The following SDK1 variants were observed in gnomAD, a reference collection of about 807,000 sequenced individuals.
SDK1 encodes the protein sidekick cell adhesion molecule 1.
SDK1 carries 157 observed loss-of-function variants against 245.5 expected under a neutral mutation model. That is an observed-to-expected ratio of 0.64 (90% confidence interval 0.56 to 0.73). The LOEUF is 0.73. Ranked by LOEUF, SDK1 falls within the 30% of genes least tolerant of loss-of-function variation. The pLI, the probability that SDK1 is intolerant of heterozygous loss-of-function variation, is 0.00. For missense variants in SDK1, 3,583 were observed against 3,002.3 expected (o/e 1.19, Z -4.52); for synonymous variants, 1,647 against 1,278.5 (o/e 1.29, Z -6.15).
chr7:3,856,481 TAAAAAAAAAA>T (rs34024559), intron 5 of SDK1, among the ~76,000 whole-genome samples: 2 of 119,240 alleles, frequency 1.7e-5, no homozygotes, highest in African/African-American at 6.4e-5. Context: ...CAGGTAATGT[TAAAAAAAAAA>T]AAAAAAAAAA....
intron 1 of SDK1, among the ~76,000 whole-genome samples, chr7:3,595,743 G>T (rs546627425): frequency 3.9e-4 from 57 of 144,650 alleles, no homozygotes; most frequent in Non-Finnish European, 7.7e-4. Context: ...TTAGAGAATG[G>T]CATGAACCCG....
chr7:3,862,265 G>T (rs1183639909), intron 5 of SDK1, among the ~76,000 whole-genome samples: 2 of 152,256 alleles, frequency 1.3e-5, no homozygotes, highest in African/African-American at 4.8e-5. Flanking sequence ...AGAATGTCTG[G>T]GGGAGGAAGC....
chr7:3,427,879 T>C (rs1054693208), intron 1 of SDK1, among the ~76,000 whole-genome samples: 4 of 110,182 alleles, frequency 3.6e-5, no homozygotes, highest in African/African-American at 2.3e-4. Flanking sequence ...GTCTCTTAGA[T>C]GTCGTTAGTG....
At chr7:3,448,899 T>A (rs985242220) in intron 1 of SDK1, among the ~76,000 whole-genome samples, 4 of 152,326 alleles carry the variant, frequency 2.6e-5, no homozygotes, top group African/African-American at 9.6e-5. Context: ...TTATTGTTTC[T>A]GGCTAAAATT....
chr7:3,761,016 A>G (rs1780081137), intron 4 of SDK1, among the ~76,000 whole-genome samples: 1 of 152,156 alleles, frequency 6.6e-6, no homozygotes, highest in South Asian at 2.1e-4. Flanking sequence ...GCCTACATGT[A>G]ATTTTTTGGG....
At chr7:3,780,778 G>A (rs1780706769) in intron 4 of SDK1, among the ~76,000 whole-genome samples, 1 of 151,812 alleles carries the variant, frequency 6.6e-6, no homozygotes, top group Admixed American at 6.6e-5. Context: ...ATAAATGCAG[G>A]GGCTAGTCTT....
At chr7:3,314,879 T>TC (rs1192455340) in intron 1 of SDK1, among the ~76,000 whole-genome samples, 1 of 151,334 alleles carries the variant, frequency 6.6e-6, no homozygotes, top group African/African-American at 2.4e-5. Flanking sequence ...TCATCATACA[T>TC]CCTATTGGCA....
intron 5 of SDK1, among the ~76,000 whole-genome samples, chr7:3,949,442 G>A (rs1045939228): frequency 6.6e-6 from 1 of 152,142 alleles, no homozygotes; most frequent in African/African-American, 2.4e-5. Flanking sequence ...TTCTCTCTCC[G>A]CGGCCCTCAC....
chr7:4,025,571 G>A (rs573473709), intron 17 of SDK1, among the ~76,000 whole-genome samples: 6 of 152,282 alleles, frequency 3.9e-5, no homozygotes, highest in African/African-American at 9.6e-5. Context: ...TTTGTGATTC[G>A]CAGGCCTGTC....
chr7:3,957,655 G>C (rs1219455333), intron 7 of SDK1, among the ~76,000 whole-genome samples: 2 of 152,212 alleles, frequency 1.3e-5, no homozygotes, highest in African/African-American at 4.8e-5. Flanking sequence ...GGCCCTGACA[G>C]CAGGCAGCTA....
chr7:3,548,507 A>C (rs1298465734), intron 1 of SDK1, among the ~76,000 whole-genome samples: 1 of 152,122 alleles, frequency 6.6e-6, no homozygotes, highest in Non-Finnish European at 1.5e-5. Context: ...TTGACTTTTT[A>C]TTTTTTGTCG....
chr7:3,809,268 G>A (rs116052140), intron 4 of SDK1, among the ~76,000 whole-genome samples: 2 of 152,132 alleles, frequency 1.3e-5, no homozygotes, highest in Non-Finnish European at 2.9e-5. Context: ...AGTCACTATC[G>A]TGAGGACAGC....
At chr7:3,600,915 G>A (rs1583213809) in intron 1 of SDK1, among the ~76,000 whole-genome samples, 2 of 152,210 alleles carry the variant, frequency 1.3e-5, no homozygotes, top group East Asian at 3.9e-4. Context: ...CTAATTCGGT[G>A]AATAGTTTTT....
rs146149120 is a variant in SDK1, at chr7:3,306,390, C to G, written c.298+4506C>G. 3.3e-5 allele frequency among the ~76,000 whole-genome samples: 5 copies of G among 152,186 alleles called. No individual in the cohort carries two copies. In the East Asian group the frequency reaches 9.6e-4, roughly 29 times the overall value. ...GATGGTCTGTTGGCAGAGATTAGAC[C>G]ACCCCAGAATGGACTACTGGGAGTG... On this transcript the variant is annotated intron_variant, in intron 1 of 44. Transcript: ENST00000404826.
At chr7:4,200,318 G>T (rs539028579) in intron 35 of SDK1, among the ~76,000 whole-genome samples, 4 of 152,242 alleles carry the variant, frequency 2.6e-5, no homozygotes, top group Non-Finnish European at 4.4e-5. Flanking sequence ...GGCTGAGGCC[G>T]GCACCTTCCT....
At chr7:4,065,983 A>G (rs758565595) in intron 19 of SDK1, among the ~76,000 whole-genome samples, 1 of 151,974 alleles carries the variant, frequency 6.6e-6, no homozygotes, top group Non-Finnish European at 1.5e-5. Context: ...TTATTACTAA[A>G]AAGATTTGAA....
intron 28 of SDK1, among the ~76,000 whole-genome samples, chr7:4,137,816 T>C (rs1337385301): frequency 6.6e-6 from 1 of 152,246 alleles, no homozygotes; most frequent in African/African-American, 2.4e-5. Context: ...GTAACCGTAA[T>C]TACATAACTA....
chr7:3,885,657 T>C (rs1327223439), intron 5 of SDK1, among the ~76,000 whole-genome samples: 1 of 152,138 alleles, frequency 6.6e-6, no homozygotes, highest in African/African-American at 2.4e-5. Flanking sequence ...CGCTGTGGTA[T>C]CAATTATCAT....
rs55998900 is a variant in SDK1 at position 3,668,579 on chromosome 7, G to T, written c.713+26474G>T. On this transcript the variant is annotated intron_variant, in intron 4 of 44. Coordinates refer to ENST00000404826, the MANE Select transcript of SDK1 (RefSeq NM_152744.4). ...TCACATGGTCAAGAGTTCGAGACCAGCCTGGGCAAGAGACCAGCCTGGCCA... is the reference window on the plus strand; with the variant it reads ...TCACATGGTCAAGAGTTCGAGACCATCCTGGGCAAGAGACCAGCCTGGCCA... 5.2e-3 allele frequency among the ~76,000 whole-genome samples: 788 copies of T among 152,202 alleles called. 6 individuals are homozygous for T. The highest frequency in any genetic ancestry group is 0.018 in the African/African-American group (759 of 41,528).
Sources: allele counts gnomAD v4.1 joint callset (sites outside exome capture counted in the v4.1 genomes callset), GRCh38; gene constraint gnomAD v4.1.1; transcripts MANE v1.5; gene names NCBI Gene and HGNC (gene_info 2026-07-23, HGNC 2026-07-21).